Variants in FAM168B observed in about 807,000 individuals in gnomAD.
FAM168B encodes the protein family with sequence similarity 168 member B, also known as myelin-associated neurite-outgrowth inhibitor.
A neutral mutation model predicts 21.8 loss-of-function variants in FAM168B; 19 were observed. The ratio of observed to expected loss-of-function variants is 0.87; its 90% CI spans 0.61 to 1.28. The LOEUF is 1.28. Among genes scored for constraint, FAM168B ranks in the 50% most tolerant of loss-of-function variants. The pLI is 0.00. For synonymous variants in FAM168B, 126 were observed against 104.8 expected (o/e 1.20, Z -1.24); for missense variants, 233 against 263.1 (o/e 0.89, Z 0.79).
Position 131,051,738 on chromosome 2 carries a change from C to A in FAM168B, c.*727G>T. 1.0e-6 allele frequency: 1 copy of A among 985,422 alleles called. No individual in the cohort carries two copies. The highest frequency in any genetic ancestry group is 1.2e-6 in the Non-Finnish European group (1 of 829,942). 61.0% of individuals were successfully genotyped at this position (985,422 alleles called of 1,614,324 possible). The stretch of plus-strand genomic sequence containing the variant: ...GCCCCAAATTTCACTGGCCACACTA[C>A]CATAATCTTTCATGATGAGCTTTAA... On this transcript the variant is annotated 3_prime_UTR_variant, in exon 7 of 7. Coordinates refer to ENST00000389915, the MANE Select transcript of FAM168B (RefSeq NM_001009993.4).
chr2:131,064,381 C>G lies in FAM168B; in HGVS notation c.154+7474G>C, dbSNP rs957113217. On this transcript the variant is annotated intron_variant, in intron 3 of 6. Coordinates refer to ENST00000389915, the MANE Select transcript of FAM168B (RefSeq NM_001009993.4). ...GAAGATCTGTGCCAAAACACAGCAT[C>G]ATGAAATTTCTGAACACTGGAGGCA... 7.9e-5 allele frequency among the ~76,000 whole-genome samples: 12 copies of G among 152,172 alleles called. No individual in the cohort carries two copies. In the East Asian group the frequency reaches 2.3e-3, roughly 29 times the overall value.
intron 2 of FAM168B, 125 bp from the exon 3 acceptor site, chr2:131,072,063 CACTA>C (rs1692900683): frequency 6.6e-6 from 5 of 761,618 alleles, no homozygotes; most frequent in Non-Finnish European, 1.1e-5. Context: ...GCCCCAAGAG[CACTA>C]TGTGTGGCCA....
At chr2:131,085,008 A>G (rs1693611232) in intron 1 of FAM168B, among the ~76,000 whole-genome samples, 1 of 152,168 alleles carries the variant, frequency 6.6e-6, no homozygotes, top group Non-Finnish European at 1.5e-5. Flanking sequence ...AGCTTTCACT[A>G]TTCCTCATCT....
At chr2:131,053,398 A>C (rs1160864049) in intron 5 of FAM168B, among the ~76,000 whole-genome samples, 1 of 152,234 alleles carries the variant, frequency 6.6e-6, no homozygotes, top group East Asian at 1.9e-4. Flanking sequence ...TCACTAAAAG[A>C]CAAATACTTA....
intron 2 of FAM168B, among the ~76,000 whole-genome samples, chr2:131,073,783 T>C (rs1692997869): frequency 1.3e-5 from 2 of 152,342 alleles, no homozygotes. Context: ...GGCTGTGTCT[T>C]ACTTAAGCTT....
At chr2:131,081,414 A>G (rs1456984964) in intron 2 of FAM168B, among the ~76,000 whole-genome samples, 1 of 152,210 alleles carries the variant, frequency 6.6e-6, no homozygotes, top group African/African-American at 2.4e-5. Flanking sequence ...TGCTGTCAGG[A>G]GCCCCAGGAG....
chr2:131,069,031 T>C (rs1363325433), intron 3 of FAM168B, among the ~76,000 whole-genome samples: 1 of 152,056 alleles, frequency 6.6e-6, no homozygotes, highest in African/African-American at 2.4e-5. Context: ...AATAATGAGA[T>C]GGGTGGCCCA....
In FAM168B at chr2:131,052,258, A is replaced by G. The variant is rs750022665; in HGVS notation, c.*207T>C. On this transcript the variant is annotated 3_prime_UTR_variant, in exon 7 of 7. Transcript: ENST00000389915. ...CTAAAAAATTGCCAGGCAGTCCACA[A>G]AACAGAATTTGCTTTAAGACCAACC... 4.9e-5 allele frequency: 48 copies of G among 985,782 alleles called. No homozygotes were observed. The highest frequency in any genetic ancestry group is 6.0e-6 in the Non-Finnish European group (5 of 829,980). The allele number at this position is 985,782 out of a possible 1,614,324, so 61.1% of individuals were successfully genotyped here.
rs376865009 is a variant in FAM168B, at chr2:131,063,457, A to C, written c.155-7762T>G. ...ACTTAAGACAAGTGCATTTCAAGTAAGGCAAACAGGTCTCCCTATCAATTT... is the reference window on the plus strand; with the variant it reads ...ACTTAAGACAAGTGCATTTCAAGTACGGCAAACAGGTCTCCCTATCAATTT... On this transcript the variant is annotated intron_variant, in intron 3 of 6. Coordinates refer to ENST00000389915, the MANE Select transcript of FAM168B (RefSeq NM_001009993.4). 2.2e-4 allele frequency among the ~76,000 whole-genome samples: 34 copies of C among 152,332 alleles called. No homozygotes were observed. In the East Asian group the frequency reaches 6.2e-3, roughly 28 times the overall value.
At chr2:131,055,798 C>T in intron 3 of FAM168B, 103 bp from the exon 4 acceptor site, 2 of 1,388,648 alleles carry the variant, frequency 1.4e-6, no homozygotes, top group Non-Finnish European at 1.9e-6. Flanking sequence ...CCCCACGCAA[C>T]TCGCCAGACC....
In FAM168B at chr2:131,051,392, T is replaced by G; in HGVS notation, c.*1073A>C. The G allele has an allele frequency of 1.0e-6, 1 of 985,238 alleles. No homozygotes were observed. The highest frequency in any genetic ancestry group is 1.1e-4 in the East Asian group (1 of 8,776). 61.0% of individuals were successfully genotyped at this position (985,238 alleles called of 1,614,324 possible). On this transcript the variant is annotated 3_prime_UTR_variant, in exon 7 of 7. Transcript: ENST00000389915. ...ACTCATTCTTAAATATACCACTTTC[T>G]TCATAACATACAGCTGAAACCTTTG... is the stretch of plus-strand genomic sequence containing the variant.
intron 3 of FAM168B, among the ~76,000 whole-genome samples, chr2:131,070,553 T>C (rs929392179): frequency 6.6e-6 from 1 of 152,218 alleles, no homozygotes; most frequent in Non-Finnish European, 1.5e-5. Flanking sequence ...TCTGTATTTA[T>C]TTACTCAAGA....
intron 3 of FAM168B, among the ~76,000 whole-genome samples, chr2:131,071,187 A>G (rs1016279522): frequency 1.3e-5 from 2 of 152,204 alleles, no homozygotes; most frequent in African/African-American, 4.8e-5. Context: ...GTGTGAAGCT[A>G]CTGTTGAGGG....
intron 3 of FAM168B, among the ~76,000 whole-genome samples, chr2:131,067,366 A>AT (rs1558964110): frequency 6.6e-6 from 1 of 152,196 alleles, no homozygotes; most frequent in Admixed American, 6.6e-5. Flanking sequence ...GGATTACAAA[A>AT]GTGCTCTGGA....
At chr2:131,084,047 C>T (rs939800611) in intron 1 of FAM168B, among the ~76,000 whole-genome samples, 10 of 151,264 alleles carry the variant, frequency 6.6e-5, no homozygotes, top group East Asian at 2.0e-4. Flanking sequence ...GGACTACAGG[C>T]GTGCGCCACC....
At chr2:131,088,883 T>C (rs962652544) in intron 1 of FAM168B, among the ~76,000 whole-genome samples, 10 of 151,588 alleles carry the variant, frequency 6.6e-5, no homozygotes, top group African/African-American at 2.2e-4. Context: ...GCTACTAAAA[T>C]CTCCCTGCAA....
chr2:131,083,332 G>A (rs1355998029), intron 1 of FAM168B, among the ~76,000 whole-genome samples: 2 of 152,118 alleles, frequency 1.3e-5, no homozygotes, highest in African/African-American at 2.4e-5. Context: ...CCAGCCTGGC[G>A]ACAGAGCGAG....
At position 131,055,142 on chromosome 2, in the gene FAM168B, G is replaced by T. The variant is rs984687399; in HGVS notation, c.475+130C>A. 8 of 922,812 alleles carry T rather than the reference G, an allele frequency of 8.7e-6. No homozygotes were observed. In the South Asian group the frequency reaches 8.9e-5, roughly 10 times the overall value. The allele number at this position is 922,812 out of a possible 1,614,324, so 57.2% of individuals were successfully genotyped here. ...GATAACCTGCTGTTTCTTCCCCAAA[G>T]AATTTTCTGTCCTTCCACACAACTA... is the stretch of plus-strand genomic sequence containing the variant. On this transcript the variant is annotated intron_variant, in intron 5 of 6. Coordinates refer to ENST00000389915, the MANE Select transcript of FAM168B (RefSeq NM_001009993.4).
rs369075109 is a variant in FAM168B, at chr2:131,071,920, T to C, written c.89A>G (p.Tyr30Cys). The change falls in exon 3 of 7, where the codon TAT becomes TGT. Residue 30 changes from tyrosine to cysteine, a missense_variant. By Grantham distance (194) the Tyr-to-Cys change is radical. Coordinates refer to ENST00000389915, the MANE Select transcript of FAM168B (RefSeq NM_001009993.4). The part of the protein sequence containing the change: ...IGYPAGFPMG[Y>C]AAAAPAYSPN... ...AGAATAGGCAGGAGCTGCTGCTGCATAGCCCATGGGAAAACCAGCTGAAGA... is the reference window on the plus strand; with the variant it reads ...AGAATAGGCAGGAGCTGCTGCTGCACAGCCCATGGGAAAACCAGCTGAAGA... The C allele has an allele frequency of 1.5e-5, 24 of 1,614,062 alleles. No individual in the cohort carries two copies. The highest frequency in any genetic ancestry group is 4.4e-5 in the South Asian group (4 of 91,082).
Sources: allele counts gnomAD v4.1 joint callset (sites outside exome capture counted in the v4.1 genomes callset), GRCh38; gene constraint gnomAD v4.1.1; transcripts MANE v1.5; gene names NCBI Gene and HGNC (gene_info 2026-07-23, HGNC 2026-07-21).